SEMA6D: variants seen among roughly 807,000 people sequenced by gnomAD.
The protein encoded by SEMA6D is semaphorin 6D, also known as semaphorin-6D.
Under a neutral mutation model 106.6 loss-of-function variants are expected in SEMA6D, and 35 were observed. That is an observed-to-expected ratio of 0.33 (90% CI 0.25 to 0.44). The LOEUF is 0.44. Ranked by LOEUF, SEMA6D falls within the 20% of genes least tolerant of loss-of-function variation. SEMA6D has a pLI of 1.00. For missense variants in SEMA6D, 1,185 were observed against 1,345.9 expected (o/e 0.88, Z 1.87); for synonymous variants, 499 against 487.7 (o/e 1.02, Z -0.31).
At chr15:47,471,018 T>G (rs533204718) in intron 3 of SEMA6D, among the ~76,000 whole-genome samples, 2 of 152,272 alleles carry the variant, frequency 1.3e-5, no homozygotes, top group East Asian at 3.9e-4. Context: ...GGAAGGCAAG[T>G]TGCATGATGC....
At chr15:47,369,175 A>G (rs1189337546) in intron 1 of SEMA6D, among the ~76,000 whole-genome samples, 1 of 152,190 alleles carries the variant, frequency 6.6e-6, no homozygotes, top group Non-Finnish European at 1.5e-5. Context: ...GCTGGTCGTA[A>G]TCTAGAACTG....
At chr15:47,462,709 A>G (rs553063501) in intron 2 of SEMA6D, among the ~76,000 whole-genome samples, 2 of 152,208 alleles carry the variant, frequency 1.3e-5, no homozygotes, top group East Asian at 3.9e-4. Flanking sequence ...GCCATAGCGA[A>G]TTGTGATTAC....
At chr15:47,645,986 A>G (rs1227841377) in intron 4 of SEMA6D, among the ~76,000 whole-genome samples, 1 of 152,076 alleles carries the variant, frequency 6.6e-6, no homozygotes, top group Admixed American at 6.6e-5. Context: ...CACTCCAGGA[A>G]CTTCTGCATG....
At chr15:47,507,368 T>C (rs893792050) in intron 3 of SEMA6D, among the ~76,000 whole-genome samples, 5 of 81,708 alleles carry the variant, frequency 6.1e-5, no homozygotes, top group African/African-American at 2.3e-4. Flanking sequence ...GGCCTTATAT[T>C]CCTTGGCTGA....
intron 1 of SEMA6D, among the ~76,000 whole-genome samples, chr15:47,280,351 TTTCTGTGGG>T (rs2035054931): frequency 6.6e-5 from 10 of 151,740 alleles, no homozygotes; most frequent in African/African-American, 2.2e-4. Context: ...GTAGTTTGTA[TTTCTGTGGG>T]ATCGGTGGTG....
chr15:47,699,166 T>C (rs563575442), intron 4 of SEMA6D, among the ~76,000 whole-genome samples: 15 of 152,294 alleles, frequency 9.8e-5, no homozygotes, highest in Non-Finnish European at 1.9e-4. Context: ...AAGGCCTTTA[T>C]TTTACTTCTC....
chr15:47,290,593 A>G (rs2035554573), intron 1 of SEMA6D, among the ~76,000 whole-genome samples: 1 of 148,304 alleles, frequency 6.7e-6, no homozygotes, highest in South Asian at 2.1e-4. Context: ...ATTAATTACT[A>G]CAAATATATA....
At chr15:47,768,528 C>G in intron 17 of SEMA6D, 53 bp from the exon 18 acceptor site, 1 of 1,405,740 alleles carries the variant, frequency 7.1e-7, no homozygotes, top group African/African-American at 1.4e-5. Context: ...ACAGACCAAT[C>G]AAAAAAAATC....
intron 2 of SEMA6D, among the ~76,000 whole-genome samples, chr15:47,462,584 C>T (rs1393332176): frequency 6.6e-6 from 1 of 152,048 alleles, no homozygotes; most frequent in Non-Finnish European, 1.5e-5. Context: ...GAGATTAAAT[C>T]GTTGACTGTA....
chr15:47,390,579 T>C (rs2039994754), intron 1 of SEMA6D, among the ~76,000 whole-genome samples: 1 of 151,974 alleles, frequency 6.6e-6, no homozygotes, highest in South Asian at 2.1e-4. Context: ...TTTTTTTGTT[T>C]GTTTGTTTTC....
In SEMA6D at chr15:47,204,858, TTGTTA is replaced by T. The variant is rs567748331; in HGVS notation, c.-239+20441_-239+20445del. The stretch of plus-strand genomic sequence containing the variant: ...GATTATAATTGGAGAAAGGTTAAAC[TTGTTA>T]AAGTATGGGCCTATGTAGAATTTTT... On this transcript the variant is annotated intron_variant, in intron 1 of 19. Transcript: ENST00000558014. Among the ~76,000 whole-genome samples the T allele has an allele frequency of 6.3e-4, 96 of 152,216 alleles. 1 individual carries two copies. Among genetic ancestry groups the T allele is most frequent in the African/African-American group, 2.1e-3 (89 of 41,546 alleles).
chr15:47,743,896 G>T (rs886067062), intron 1 of SEMA6D, among the ~76,000 whole-genome samples: 1 of 152,114 alleles, frequency 6.6e-6, no homozygotes, highest in African/African-American at 2.4e-5. Context: ...TTTGATTTTT[G>T]TCAATGCAAA....
At chr15:47,677,056 A>G (rs1316916150) in intron 4 of SEMA6D, among the ~76,000 whole-genome samples, 1 of 152,022 alleles carries the variant, frequency 6.6e-6, no homozygotes, top group Non-Finnish European at 1.5e-5. Flanking sequence ...GCACTCCTCT[A>G]AGAATCTAAT....
At chr15:47,208,390 A>G (rs555253883) in intron 1 of SEMA6D, among the ~76,000 whole-genome samples, 77 of 152,298 alleles carry the variant, frequency 5.1e-4, no homozygotes, top group African/African-American at 1.8e-3. Context: ...AGTCCTCTAT[A>G]TTAAATAAAG....
intron 1 of SEMA6D, among the ~76,000 whole-genome samples, chr15:47,315,982 C>T (rs568225127): frequency 2.6e-4 from 39 of 151,174 alleles, no homozygotes; most frequent in Non-Finnish European, 4.4e-4. Context: ...TTATTAGTTT[C>T]GAGAGGGTTT....
At chr15:47,277,210 A>G (rs2034858892) in intron 1 of SEMA6D, among the ~76,000 whole-genome samples, 1 of 152,188 alleles carries the variant, frequency 6.6e-6, no homozygotes, top group Non-Finnish European at 1.5e-5. Flanking sequence ...CATTGTTGAA[A>G]TGACAACAAA....
At chr15:47,402,415 G>T (rs964975652) in intron 1 of SEMA6D, among the ~76,000 whole-genome samples, 3 of 152,140 alleles carry the variant, frequency 2.0e-5, no homozygotes, top group Admixed American at 2.0e-4. Flanking sequence ...TCTTCTATTA[G>T]GACAATGGCT....
chr15:47,514,355 C>T (rs1320075646), intron 3 of SEMA6D, among the ~76,000 whole-genome samples: 1 of 152,148 alleles, frequency 6.6e-6, no homozygotes, highest in Non-Finnish European at 1.5e-5. Context: ...CTTATGTCAA[C>T]CACTCCCACA....
chr15:47,743,138 C>G (rs1425044429), intron 1 of SEMA6D, among the ~76,000 whole-genome samples: 1 of 152,216 alleles, frequency 6.6e-6, no homozygotes, highest in Non-Finnish European at 1.5e-5. Flanking sequence ...ACTGCTAAGT[C>G]CTATATGTCC....
Sources: gnomAD v4.1 joint callset for allele counts (sites outside exome capture counted in the v4.1 genomes callset) on GRCh38, gnomAD v4.1.1 for gene constraint, MANE v1.5 for transcripts, NCBI Gene and HGNC (gene_info 2026-07-23, HGNC 2026-07-21) for gene names.